The following ZNF17 variants were observed in gnomAD, a reference collection of about 807,000 sequenced individuals.
The protein encoded by ZNF17 is zinc finger protein 17 (HPF3, KOX 10).
A neutral mutation model predicts 7.7 loss-of-function variants in ZNF17; 4 were observed. The observed-to-expected ratio is 0.52, with a 90% CI of 0.26 to 1.20. ZNF17 has a LOEUF of 1.20. ZNF17 is among the 50% of genes most tolerant of loss of function. ZNF17 has a pLI of 0.14. For synonymous variants in ZNF17, 249 were observed against 258.8 expected, an observed-to-expected ratio of 0.96 and a Z score of 0.36; for missense variants, 738 against 799.5, an observed-to-expected ratio of 0.92 and a Z score of 0.93.
chr19:57,411,383 G>T lies in ZNF17; in HGVS notation c.-44G>T. Reference sequence around the variant, plus strand: ...CTCTTCCCTGGCTGTGCTGGCGGAGGCTGCGCCGATGAACCTGACTGAGGT... The same window carrying T: ...CTCTTCCCTGGCTGTGCTGGCGGAGTCTGCGCCGATGAACCTGACTGAGGT... On this transcript the variant is annotated 5_prime_UTR_variant, in exon 1 of 4. Coordinates refer to ENST00000307658, the MANE Select transcript of ZNF17 (RefSeq NM_001330617.2). 1 of 1,612,564 alleles carries T rather than the reference G, an allele frequency of 6.2e-7. No homozygotes were observed. Among genetic ancestry groups the T allele is most frequent in the Non-Finnish European group, 8.5e-7 (1 of 1,179,498 alleles).
In ZNF17 at chr19:57,420,057, A is replaced by C; in HGVS notation, c.571A>C (p.Asn191His). The C allele has an allele frequency of 6.2e-7, 1 of 1,614,102 alleles. No individual in the cohort carries two copies. The highest frequency in any genetic ancestry group is 8.5e-7 in the Non-Finnish European group (1 of 1,180,034). Reference sequence around the variant, plus strand: ...GGAGGCCTTTCAAAGTGGACAGAATAATTACAGCTGCACCCAATGTGGGAA... The same window carrying C: ...GGAGGCCTTTCAAAGTGGACAGAATCATTACAGCTGCACCCAATGTGGGAA... ...GVEAFQSGQN[N>H]YSCTQCGKDF... is the part of the protein sequence containing the mutation. The change falls in exon 4 of 4, where the codon AAT becomes CAT. Residue 191 changes from asparagine to histidine, a missense_variant. This residue lies in a region of ZNF17 where 616 missense variants were observed against 663.9 expected (regional missense o/e 0.93). Coordinates refer to ENST00000307658, the MANE Select transcript of ZNF17 (RefSeq NM_001330617.2).
At position 57,420,963 on chromosome 19, in the gene ZNF17, G is replaced by C; in HGVS notation, c.1477G>C (p.Val493Leu). 6.2e-7 allele frequency: 1 copy of C among 1,614,112 alleles called. No homozygotes were observed. The highest frequency in any genetic ancestry group is 2.2e-5 in the East Asian group (1 of 44,862). Residue 493 changes from valine to leucine, a missense_variant, in exon 4 of 4, where the codon GTT becomes CTT. By Grantham distance (32) the Val-to-Leu change is conservative. Around this residue, in one of 3 missense-constraint regions of ZNF17, gnomAD observed 616 missense variants for 663.9 expected, o/e 0.93. Coordinates refer to ENST00000307658, the MANE Select transcript of ZNF17 (RefSeq NM_001330617.2). ...DSCTLKSHQRVHTGERPFECS... is the reference protein window; with the variant it reads ...DSCTLKSHQRLHTGERPFECS... Reference sequence around the variant, plus strand: ...CTGTACACTGAAGAGTCATCAGAGAGTTCACACTGGAGAAAGACCTTTTGA... The same window carrying C: ...CTGTACACTGAAGAGTCATCAGAGACTTCACACTGGAGAAAGACCTTTTGA...
chr19:57,412,823 G>C (rs2088786796), intron 1 of ZNF17, among the ~76,000 whole-genome samples: 1 of 152,024 alleles, frequency 6.6e-6, no homozygotes, highest in Non-Finnish European at 1.5e-5. Flanking sequence ...AGTTAGAAAT[G>C]AATGTAACCA....
chr19:57,421,158 T>A lies in ZNF17; in HGVS notation c.1672T>A (p.Cys558Ser), dbSNP rs1360285467. The change falls in exon 4 of 4, where the codon TGC becomes AGC. Residue 558 changes from cysteine (C) to serine (S), a missense_variant. Cys to Ser is a moderately radical substitution (Grantham distance 112, BLOSUM62 -1). This residue lies in a region of ZNF17 where 6 missense variants were observed against 21.5 expected (regional missense o/e 0.28). Coordinates refer to ENST00000307658, the MANE Select transcript of ZNF17 (RefSeq NM_001330617.2). The stretch of plus-strand genomic sequence containing the variant: ...TCACTTTGGAGAAAGGTCTTTTGAG[T>A]GCACTGAGTGTGGGAGAGTTTTTAG... ...RNHFGERSFE[C>S]TECGRVFSQN... is the part of the protein sequence containing the mutation. 6.2e-7 allele frequency: 1 copy of A among 1,614,098 alleles called. No homozygotes were observed. The highest frequency in any genetic ancestry group is 8.5e-7 in the Non-Finnish European group (1 of 1,179,952).
rs1568539354 is a variant in ZNF17, at chr19:57,420,630, C to T, written c.1144C>T (p.His382Tyr). The change falls in exon 4 of 4, where the codon CAT becomes TAT. Residue 382 changes from histidine (H) to tyrosine (Y), a missense_variant. Transcript: ENST00000307658. Reference protein sequence around the residue: ...SCTLIIHQRVHTGEKPYECNE... With the variant: ...SCTLIIHQRVYTGEKPYECNE... ...CACACTCATTATTCACCAGAGAGTT[C>T]ATACTGGAGAAAAACCTTATGAATG... The T allele has an allele frequency of 1.2e-6, 2 of 1,613,282 alleles. No homozygotes were observed. Among genetic ancestry groups the T allele is most frequent in the Non-Finnish European group, 1.7e-6 (2 of 1,179,458 alleles).
rs1182765895 is a variant in ZNF17 at position 57,420,335 on chromosome 19, AGCTTT to A, written c.850_854del (p.Ala284SerfsTer2). 3 of 1,613,834 alleles carry A rather than the reference AGCTTT, an allele frequency of 1.9e-6. No homozygotes were observed. Among genetic ancestry groups the A allele is most frequent in the Non-Finnish European group, 2.5e-6 (3 of 1,179,930 alleles). ...CTTATGAGTGCAGTGAATGTGGGAA[AGCTTT>A]TCTTAGAAAGTCTCACCTACTTCAG... On this transcript the variant is annotated frameshift_variant, in exon 4 of 4. Transcript: ENST00000307658. LOFTEE classifies it low-confidence loss of function (END_TRUNC).
chr19:57,420,509 T>C lies in ZNF17; in HGVS notation c.1023T>C (p.Phe341=). 1 of 1,614,134 alleles carries C rather than the reference T, an allele frequency of 6.2e-7. No individual in the cohort carries two copies. The highest frequency in any genetic ancestry group is 8.5e-7 in the Non-Finnish European group (1 of 1,180,032). The change falls in exon 4 of 4, where the codon TTT becomes TTC. Residue 341 remains phenylalanine (F), a synonymous_variant. Coordinates refer to ENST00000307658, the MANE Select transcript of ZNF17 (RefSeq NM_001330617.2). ...GATGCAATGAATGTGGGAAATACTT[T>C]ATGTACAGTTCAGCACTCATTAGAC... ...PYGCNECGKY[F]MYSSALIRHQ... is the part of the protein sequence containing the mutation.
rs2088852800 is a variant in ZNF17 at position 57,421,624 on chromosome 19, T to C, written c.*143T>C. On this transcript the variant is annotated 3_prime_UTR_variant, in exon 4 of 4. Coordinates refer to ENST00000307658, the MANE Select transcript of ZNF17 (RefSeq NM_001330617.2). ...AACATCTTAACCATGTTAAAGTGTA[T>C]AGTTCAGTACTGTTAAGTCATTCAC... 2 of 991,020 alleles carry C rather than the reference T, an allele frequency of 2.0e-6. No homozygotes were observed. The highest frequency in any genetic ancestry group is 1.8e-5 in the South Asian group (1 of 54,868). 61.4% of individuals were successfully genotyped at this position (991,020 alleles called of 1,614,324 possible).
intron 1 of ZNF17, among the ~76,000 whole-genome samples, chr19:57,412,419 C>G (rs2088783209): frequency 6.6e-6 from 1 of 151,222 alleles, no homozygotes; most frequent in African/African-American, 2.4e-5. Context: ...CCCCTCCCTG[C>G]AACTTATTTA....
intron 3 of ZNF17, 124 bp downstream of exon 3, chr19:57,418,162 T>A (rs777831911): frequency 4.9e-5 from 63 of 1,289,256 alleles, no homozygotes; most frequent in Non-Finnish European, 6.8e-5. Flanking sequence ...CTGGCATATG[T>A]GTTGTGGCAG....
Position 57,421,655 on chromosome 19 carries a change from G to T in ZNF17, c.*174G>T. 1.5e-6 allele frequency: 1 copy of T among 671,270 alleles called. No homozygotes were observed. The allele number at this position is 671,270 out of a possible 1,614,324, so 41.6% of individuals were successfully genotyped here. ...AGTACTGTTAAGTCATTCACATTGT[G>T]CAATGAATATCTAGAAGTCTTTTCA... On this transcript the variant is annotated 3_prime_UTR_variant, in exon 4 of 4. Coordinates refer to ENST00000307658, the MANE Select transcript of ZNF17 (RefSeq NM_001330617.2).
rs553811202 is a variant in ZNF17 at position 57,415,451 on chromosome 19, A to G, written c.21+1815A>G. ...GTTGAACACACAGGAATGGAGTTCA[A>G]TGGAGGTGTTCAGGATGGAGACATC... On this transcript the variant is annotated intron_variant, in intron 2 of 3. Transcript: ENST00000307658. Among the ~76,000 whole-genome samples the G allele has an allele frequency of 2.5e-4, 38 of 152,302 alleles. No homozygotes were observed. In the South Asian group the frequency reaches 6.8e-3, roughly 27 times the overall value.
rs537657081 is a variant in ZNF17 at position 57,412,827 on chromosome 19, G to A, written c.-20-769G>A. Among the ~76,000 whole-genome samples, 6 of 152,128 alleles carry A rather than the reference G, an allele frequency of 3.9e-5. No homozygotes were observed. The South Asian group carries it at 1.2e-3, about 32-fold the overall frequency. On this transcript the variant is annotated intron_variant, in intron 1 of 3. Coordinates refer to ENST00000307658, the MANE Select transcript of ZNF17 (RefSeq NM_001330617.2). ...CATAGGTCGGCAGTTAGAAATGAATGTAACCAATAGTTAAATTTATTCACT... is the reference window on the plus strand; with the variant it reads ...CATAGGTCGGCAGTTAGAAATGAATATAACCAATAGTTAAATTTATTCACT...
rs1262875673 is a variant in ZNF17, at chr19:57,421,917, T to G, written c.*436T>G. ...TTTTAAAGGCTGAATAAAATTCTGT[T>G]AGTCATGTGTTGCTTAACAGTGGGG... is the stretch of plus-strand genomic sequence containing the variant. On this transcript the variant is annotated 3_prime_UTR_variant, in exon 4 of 4. Coordinates refer to ENST00000307658, the MANE Select transcript of ZNF17 (RefSeq NM_001330617.2). The G allele has an allele frequency of 6.4e-6, 1 of 157,192 alleles. No homozygotes were observed. The highest frequency in any genetic ancestry group is 1.4e-5 in the Non-Finnish European group (1 of 71,212). The allele number at this position is 157,192 out of a possible 1,614,324, so 9.7% of individuals were successfully genotyped here.
rs2088838250 is a variant in ZNF17, at chr19:57,420,086, CT to C, written c.604del (p.Cys202AlafsTer258). 3 of 1,614,228 alleles carry C rather than the reference CT, an allele frequency of 1.9e-6. No individual in the cohort carries two copies. In the East Asian group the frequency reaches 6.7e-5, roughly 36 times the overall value. The part of the protein sequence containing the change: ...NYSCTQCGKD[F>X]CHQHTLFEHQ... ...ACAGCTGCACCCAATGTGGGAAAGA[CT>C]TTTGCCACCAACATACACTGTTTGA... On this transcript the variant is annotated frameshift_variant, in exon 4 of 4. Coordinates refer to ENST00000307658, the MANE Select transcript of ZNF17 (RefSeq NM_001330617.2). LOFTEE classifies it low-confidence loss of function (END_TRUNC).
intron 1 of ZNF17, among the ~76,000 whole-genome samples, chr19:57,412,111 A>G (rs895828688): frequency 1.3e-5 from 2 of 152,146 alleles, no homozygotes; most frequent in African/African-American, 4.8e-5. Flanking sequence ...GACCTGTCAT[A>G]GGAGGGATTC....
intron 2 of ZNF17, 113 bp downstream of exon 2, chr19:57,413,749 C>A: frequency 1.5e-6 from 2 of 1,301,866 alleles, no homozygotes; most frequent in Non-Finnish European, 2.1e-6. Context: ...CCCTTGGGTC[C>A]AAGGAGAGCC....
chr19:57,411,421 C>T lies in ZNF17; in HGVS notation c.-21+15C>T. 1 of 1,609,930 alleles carries T rather than the reference C, an allele frequency of 6.2e-7. No homozygotes were observed. ...ACCTGACTGAGGTGGGTGCCGCGTC[C>T]CAGGGCGCCCCGCCCGATCCCTCCT... On this transcript the variant is annotated intron_variant, in intron 1 of 3. Transcript: ENST00000307658.
rs1324732625 is a variant in ZNF17 at position 57,420,524 on chromosome 19, A to G, written c.1038A>G (p.Ala346=). The G allele has an allele frequency of 1.2e-6, 2 of 1,612,974 alleles. No homozygotes were observed. Among genetic ancestry groups the G allele is most frequent in the Non-Finnish European group, 1.7e-6 (2 of 1,179,788 alleles). Residue 346 remains alanine, a synonymous_variant, in exon 4 of 4, where the codon GCA becomes GCG. Transcript: ENST00000307658. ...ECGKYFMYSS[A]LIRHQKVHTG... ...GGAAATACTTTATGTACAGTTCAGC[A>G]CTCATTAGACATCAGAAAGTTCACA...
Sources: allele counts gnomAD v4.1 joint callset (sites outside exome capture counted in the v4.1 genomes callset), GRCh38; gene constraint gnomAD v4.1.1; regional missense constraint gnomAD v4.1.1; transcripts MANE v1.5; gene names NCBI Gene and HGNC (gene_info 2026-07-23, HGNC 2026-07-21).